NAF1: variants seen among roughly 807,000 people sequenced by gnomAD.
NAF1 encodes the protein nuclear assembly factor 1 ribonucleoprotein.
In NAF1, 11 loss-of-function variants were observed where a neutral mutation model predicts 40.6. The ratio of observed to expected loss-of-function variants is 0.27; its 90% confidence interval spans 0.17 to 0.45. The LOEUF (loss-of-function observed/expected upper bound fraction) is 0.45, where lower values mean the gene tolerates loss of function less well. Ranked by LOEUF, NAF1 falls within the 20% of genes least tolerant of loss-of-function variation. NAF1 has a pLI of 1.00. For missense variants in NAF1, 607 were observed against 611.1 expected, an observed-to-expected ratio of 0.99 and a Z score of 0.07; for synonymous variants, 260 against 228.5, an observed-to-expected ratio of 1.14 and a Z score of -1.24.
chr4:163,154,589 C>G (rs1731891280), intron 2 of NAF1, among the ~76,000 whole-genome samples: 1 of 152,078 alleles, frequency 6.6e-6, no homozygotes, highest in African/African-American at 2.4e-5. Flanking sequence ...GAGAGGAGGA[C>G]AGGCCAGGAA....
chr4:163,125,147 C>T (rs542656827), downstream of NAF1, among the ~76,000 whole-genome samples: 4 of 152,144 alleles, frequency 2.6e-5, no homozygotes, highest in South Asian at 2.1e-4. Context: ...CTCCTCAGGC[C>T]TTCCTATTTC....
intron 2 of NAF1, chr4:163,119,452 T>C (rs1730451204): frequency 6.6e-6 from 1 of 152,108 alleles, no homozygotes; most frequent in Admixed American, 6.5e-5. Context: ...CCGAGAAAAA[T>C]GTACATCTTA....
At chr4:163,104,315 G>C in the NAF1 span, among the ~76,000 whole-genome samples, 13 of 152,174 alleles carry the variant, frequency 8.5e-5, no homozygotes, top group Non-Finnish European at 1.3e-4. Context: ...GGGCTCAGAG[G>C]CCTGACAATA....
At chr4:163,164,072 A>C in intron 2 of NAF1, 145 bp downstream of exon 2, 1 of 1,039,362 alleles carries the variant, frequency 9.6e-7, no homozygotes, top group East Asian at 3.7e-5. Context: ...TTACATAAGA[A>C]AGCCAAGGCA....
intron 4 of NAF1, 66 bp from the exon 5 acceptor site, chr4:163,140,449 T>A (rs754429366): frequency 2.8e-6 from 4 of 1,412,668 alleles, no homozygotes; most frequent in Non-Finnish European, 3.9e-6. Flanking sequence ...CAGCAGTGTT[T>A]TCTTTTAAAA....
intron 7 of NAF1, among the ~76,000 whole-genome samples, chr4:163,130,332 G>A (rs1306906245): frequency 6.6e-6 from 1 of 151,992 alleles, no homozygotes; most frequent in East Asian, 1.9e-4. Flanking sequence ...GCTTCAACAA[G>A]ATATTATGAA....
intron 4 of NAF1, among the ~76,000 whole-genome samples, chr4:163,144,530 T>C (rs1455157572): frequency 6.6e-6 from 1 of 152,340 alleles, no homozygotes; most frequent in Non-Finnish European, 1.5e-5. Flanking sequence ...ATTCTGGTTA[T>C]TGGTTTGTTT....
chr4:163,125,357 A>C (rs140021249), downstream of NAF1, among the ~76,000 whole-genome samples: 640 of 152,384 alleles, frequency 4.2e-3, 4 homozygotes, highest in Admixed American at 7.2e-3. Context: ...GCGAATGCAA[A>C]GAAAAAGTTC....
At chr4:163,157,163 T>A (rs954242122) in intron 2 of NAF1, 3 of 152,190 alleles carry the variant, frequency 2.0e-5, no homozygotes, top group Middle Eastern at 3.4e-3. Context: ...CACTACACAG[T>A]TCCAAGTCAA....
chr4:163,104,938 G>A, the NAF1 span, among the ~76,000 whole-genome samples: 1 of 152,180 alleles, frequency 6.6e-6, no homozygotes, highest in Admixed American at 6.5e-5. Flanking sequence ...GGGAAATTAT[G>A]TTTCAGAAAA....
intron 2 of NAF1, among the ~76,000 whole-genome samples, chr4:163,120,296 T>A (rs1386203799): frequency 1.3e-5 from 2 of 152,236 alleles, no homozygotes; most frequent in African/African-American, 2.4e-5. Context: ...TAGAAGTTCA[T>A]CTCTATCATC....
chr4:163,146,774 T>C (rs1400028743), intron 3 of NAF1, among the ~76,000 whole-genome samples: 4 of 152,178 alleles, frequency 2.6e-5, no homozygotes, highest in African/African-American at 9.7e-5. Flanking sequence ...TAGCAAGACC[T>C]TGTCTCTATT....
chr4:163,164,136 T>A, intron 2 of NAF1, 81 bp downstream of exon 2: 4 of 1,364,240 alleles, frequency 2.9e-6, no homozygotes, highest in South Asian at 2.0e-5. Context: ...ATGGAGCAGA[T>A]ATAGGCAAAA....
chr4:163,121,572 T>C (rs1295551925), intron 2 of NAF1, among the ~76,000 whole-genome samples: 5 of 152,240 alleles, frequency 3.3e-5, no homozygotes, highest in Admixed American at 3.3e-4. Context: ...TTTAAACATT[T>C]AGACCTCAGA....
chr4:163,118,596 C>T lies in NAF1; in HGVS notation c.115-8306G>A, dbSNP rs13147723. 5.2e-3 allele frequency among the ~76,000 whole-genome samples: 792 copies of T among 152,044 alleles called. 4 individuals are homozygous for T. The highest frequency in any genetic ancestry group is 7.6e-3 in the Non-Finnish European group (519 of 67,974). The stretch of plus-strand genomic sequence containing the variant: ...GGCGAAACCCCGTCTCTACTAAAAA[C>T]ACAAAAATTAGCCGGGCGTGGTGGC... On this transcript the variant is annotated intron_variant, in intron 2 of 2. Transcript: ENST00000509434.
At position 163,116,148 on chromosome 4, in the gene NAF1, ATT is replaced by A. The variant is rs1299472579; in HGVS notation, c.115-5860_115-5859del. On this transcript the variant is annotated intron_variant, in intron 2 of 2. Coordinates refer to the NAF1 transcript ENST00000509434. ...TCTGATGACACATCATCAGTTTTTG[ATT>A]GATATTGAGTTAATGCTAATAAACA... Among the ~76,000 whole-genome samples the A allele has an allele frequency of 1.1e-4, 16 of 152,312 alleles. No individual in the cohort carries two copies. The East Asian group carries it at 2.7e-3, about 26-fold the overall frequency.
intron 2 of NAF1, among the ~76,000 whole-genome samples, chr4:163,120,759 C>T (rs1028371633): frequency 2.0e-5 from 3 of 151,958 alleles, no homozygotes; most frequent in African/African-American, 7.3e-5. Context: ...CCATTTGATA[C>T]ATGAATCTGT....
Position 163,128,970 on chromosome 4 carries a change from GGTGGGGGTAGGGA to G in NAF1, c.1399_1411del (p.Ser467ProfsTer26). 1.4e-6 allele frequency: 2 copies of G among 1,475,064 alleles called. No individual in the cohort carries two copies. The highest frequency in any genetic ancestry group is 1.9e-6 in the Non-Finnish European group (2 of 1,071,636). 91.4% of individuals were successfully genotyped at this position (1,475,064 alleles called of 1,614,324 possible). Reference sequence around the variant, plus strand: ...AGGAGGCAGTGGTGGAGGGGGAGGGGGTGGGGGTAGGGAGTATGGTAAGTTAAGTAATGGATGA... The same window carrying G: ...AGGAGGCAGTGGTGGAGGGGGAGGGGGTATGGTAAGTTAAGTAATGGATGA... On this transcript the variant is annotated frameshift_variant, in exon 8 of 8. Coordinates refer to ENST00000274054, the MANE Select transcript of NAF1 (RefSeq NM_138386.3). LOFTEE classifies it high-confidence loss of function.
intron 2 of NAF1, among the ~76,000 whole-genome samples, chr4:163,153,815 G>T (rs988669527): frequency 6.6e-6 from 1 of 152,100 alleles, no homozygotes; most frequent in African/African-American, 2.4e-5. Context: ...AACCCGCTCG[G>T]GTCCCCTTCC....
Sources: allele counts gnomAD v4.1 joint callset (sites outside exome capture counted in the v4.1 genomes callset), GRCh38; gene constraint gnomAD v4.1.1; transcripts MANE v1.5; gene names NCBI Gene and HGNC (gene_info 2026-07-23, HGNC 2026-07-21).